RPS6KB1: variants seen among roughly 807,000 people sequenced by gnomAD.
The protein encoded by RPS6KB1 is ribosomal protein S6 kinase B1, also known as ribosomal protein S6 kinase beta-1.
Under a neutral mutation model 70.2 loss-of-function variants are expected in RPS6KB1, and 12 were observed. The ratio of observed to expected loss-of-function variants is 0.17; its 90% confidence interval spans 0.11 to 0.28. The LOEUF (loss-of-function observed/expected upper bound fraction) is 0.28. RPS6KB1 is among the 10% of genes least tolerant of loss of function. RPS6KB1 has a pLI of 1.00. For missense variants in RPS6KB1, 270 were observed against 646.6 expected (o/e 0.42, Z 6.32); for synonymous variants, 175 against 211.2 (o/e 0.83, Z 1.49).
At chr17:59,945,763 C>T (rs1231769642) in intron 14 of RPS6KB1, among the ~76,000 whole-genome samples, 1 of 152,166 alleles carries the variant, frequency 6.6e-6, no homozygotes, top group Non-Finnish European at 1.5e-5. Flanking sequence ...TCCATTCACT[C>T]AGCATTTATT....
At chr17:59,915,533 T>A (rs563267407) in intron 4 of RPS6KB1, among the ~76,000 whole-genome samples, 3 of 151,958 alleles carry the variant, frequency 2.0e-5, no homozygotes, top group Non-Finnish European at 4.4e-5. Context: ...TTGTACAATC[T>A]CAGCTCACTG....
At chr17:59,938,882 A>G (rs2044414566) in intron 12 of RPS6KB1, among the ~76,000 whole-genome samples, 1 of 152,170 alleles carries the variant, frequency 6.6e-6, no homozygotes, top group Non-Finnish European at 1.5e-5. Flanking sequence ...AGTAAGAGTC[A>G]GCACAGCACA....
intron 10 of RPS6KB1, 59 bp from the exon 11 acceptor site, chr17:59,936,156 G>GA (rs879167354): frequency 0.016 from 18,965 of 1,154,674 alleles, 3 homozygotes; most frequent in Non-Finnish European, 0.018. Flanking sequence ...GTCTAAAAAG[G>GA]AAAAAAAAAA....
chr17:59,922,794 T>A (rs1414480611), intron 4 of RPS6KB1, among the ~76,000 whole-genome samples: 1 of 151,988 alleles, frequency 6.6e-6, no homozygotes, highest in African/African-American at 2.4e-5. Flanking sequence ...TCTAGCCACC[T>A]TGGCCTCCCA....
intron 13 of RPS6KB1, among the ~76,000 whole-genome samples, chr17:59,944,296 A>T (rs1934732029): frequency 6.6e-6 from 1 of 152,234 alleles, no homozygotes; most frequent in Admixed American, 6.5e-5. Context: ...ATGAACATTG[A>T]CAGCTAGAGA....
At chr17:59,904,696 C>G (rs1568393191) in intron 1 of RPS6KB1, among the ~76,000 whole-genome samples, 3 of 128,598 alleles carry the variant, frequency 2.3e-5, no homozygotes, top group African/African-American at 8.6e-5. Context: ...ACCTGGCATT[C>G]TGTTTTTTTT....
At chr17:59,943,274 ATT>A (rs1295197570) in intron 13 of RPS6KB1, among the ~76,000 whole-genome samples, 1 of 151,856 alleles carries the variant, frequency 6.6e-6, no homozygotes, top group Non-Finnish European at 1.5e-5. Flanking sequence ...TAATTTTGGC[ATT>A]TTTTTTCTCT....
At chr17:59,899,519 C>A (rs1019892251) in intron 1 of RPS6KB1, among the ~76,000 whole-genome samples, 1 of 152,026 alleles carries the variant, frequency 6.6e-6, no homozygotes, top group Non-Finnish European at 1.5e-5. Flanking sequence ...TTAAGTAAAA[C>A]TAACATTAAA....
chr17:59,924,811 TTTTATTTA>T (rs200181363), intron 4 of RPS6KB1, among the ~76,000 whole-genome samples: 19 of 148,708 alleles, frequency 1.3e-4, no homozygotes, highest in African/African-American at 2.7e-4. Flanking sequence ...CTTATTTTTA[TTTTATTTA>T]TTTATTTATT....
intron 1 of RPS6KB1, among the ~76,000 whole-genome samples, chr17:59,901,582 G>T (rs934756934): frequency 6.9e-6 from 1 of 144,728 alleles, no homozygotes; most frequent in African/African-American, 2.5e-5. Context: ...ATGAGCCTAG[G>T]AGTTTGAAAT....
chr17:59,938,192 G>T (rs1391848418), intron 12 of RPS6KB1, among the ~76,000 whole-genome samples: 5 of 138,300 alleles, frequency 3.6e-5, no homozygotes, highest in African/African-American at 1.5e-4. Flanking sequence ...TTTGGGGGGG[G>T]GATAGGGTCT....
intron 7 of RPS6KB1, among the ~76,000 whole-genome samples, chr17:59,932,114 G>A (rs1289779622): frequency 6.6e-6 from 1 of 152,002 alleles, no homozygotes; most frequent in African/African-American, 2.4e-5. Flanking sequence ...ATGAAAATAT[G>A]TAAATATTGG....
At position 59,936,277 on chromosome 17, in the gene RPS6KB1, A is replaced by G. The variant is rs762215964; in HGVS notation, c.1041A>G (p.Gln347=). The change falls in exon 11 of 15, where the codon CAA becomes CAG. Residue 347 remains glutamine, a splice_region_variant and synonymous_variant. Coordinates refer to ENST00000225577, the MANE Select transcript of RPS6KB1 (RefSeq NM_003161.4). ...GTCCTGGGGACGCTGGAGAAGTTCAAGTAGGGATTGGCATCTTTGGTGTTT... is the reference window on the plus strand; with the variant it reads ...GTCCTGGGGACGCTGGAGAAGTTCAGGTAGGGATTGGCATCTTTGGTGTTT... ...GAGPGDAGEV[Q]AHPFFRHINW... 2.1e-5 allele frequency: 34 copies of G among 1,595,342 alleles called. No individual in the cohort carries two copies. The highest frequency in any genetic ancestry group is 8.5e-7 in the Non-Finnish European group (1 of 1,175,360).
chr17:59,899,978 A>G (rs1373205761), intron 1 of RPS6KB1, among the ~76,000 whole-genome samples: 1 of 152,070 alleles, frequency 6.6e-6, no homozygotes, highest in African/African-American at 2.4e-5. Context: ...CAACCTGGCC[A>G]ACAAAACAAG....
chr17:59,895,779 C>T (rs548527643), intron 1 of RPS6KB1, among the ~76,000 whole-genome samples: 2 of 151,718 alleles, frequency 1.3e-5, no homozygotes, highest in Admixed American at 6.6e-5. Context: ...ACTACAGGCG[C>T]GCACCACCAT....
intron 1 of RPS6KB1, among the ~76,000 whole-genome samples, chr17:59,905,968 T>C (rs931806527): frequency 3.9e-5 from 6 of 152,066 alleles, no homozygotes; most frequent in Non-Finnish European, 7.4e-5. Flanking sequence ...AGTTTTATAG[T>C]TTTAGCTCCT....
At position 59,917,958 on chromosome 17, in the gene RPS6KB1, A is replaced by G. The variant is rs184691423; in HGVS notation, c.381+3255A>G. Reference sequence around the variant, plus strand: ...TCTACTCAATTTTTTTTTGAGATGGAGTTTTGCTCTTGTTGCCCAGGCTGG... The same window carrying G: ...TCTACTCAATTTTTTTTTGAGATGGGGTTTTGCTCTTGTTGCCCAGGCTGG... On this transcript the variant is annotated intron_variant, in intron 4 of 14. Coordinates refer to ENST00000225577, the MANE Select transcript of RPS6KB1 (RefSeq NM_003161.4). Among the ~76,000 whole-genome samples, 4 of 150,510 alleles carry G rather than the reference A, an allele frequency of 2.7e-5. No homozygotes were observed. The East Asian group carries it at 7.9e-4, about 30-fold the overall frequency.
At chr17:59,935,361 G>T (rs1157911951) in intron 10 of RPS6KB1, 61 bp downstream of exon 10, 12 of 874,466 alleles carry the variant, frequency 1.4e-5, no homozygotes, top group Admixed American at 2.3e-5. Context: ...TAACTAGATA[G>T]AATTTAATGT....
intron 4 of RPS6KB1, among the ~76,000 whole-genome samples, chr17:59,925,812 T>C (rs1280574937): frequency 3.3e-5 from 5 of 152,154 alleles, no homozygotes; most frequent in Non-Finnish European, 5.9e-5. Flanking sequence ...TTTTTTGTCT[T>C]TTTTTTACCC....
Sources: allele counts gnomAD v4.1 joint callset (sites outside exome capture counted in the v4.1 genomes callset), GRCh38; gene constraint gnomAD v4.1.1; transcripts MANE v1.5; gene names NCBI Gene and HGNC (gene_info 2026-07-23, HGNC 2026-07-21).